The following EGR1 variants were observed in gnomAD, a reference collection of about 807,000 sequenced individuals.
EGR1 encodes the protein early growth response protein 1.
In EGR1, 8 loss-of-function variants were observed where a neutral mutation model predicts 30.2. That is an observed-to-expected ratio of 0.26 (90% confidence interval 0.16 to 0.48). The LOEUF is 0.48. EGR1 is among the 20% of genes least tolerant of loss of function. The pLI, the probability that EGR1 is intolerant of heterozygous loss-of-function variation, is 0.99. For synonymous variants in EGR1, 334 were observed against 312.8 expected (o/e 1.07, Z -0.72); for missense variants, 568 against 732.3 (o/e 0.78, Z 2.59).
Position 138,467,860 on chromosome 5 carries a change from C to A in EGR1, c.1411C>A (p.Pro471Thr). The change falls in exon 2 of 2, where the codon CCC becomes ACC. Residue 471 changes from proline (P) to threonine (T), a missense_variant. By Grantham distance (38) the Pro-to-Thr change is conservative. This residue lies in a region of EGR1 where 118 missense variants were observed against 161.6 expected (regional missense o/e 0.73). Transcript: ENST00000239938. This position sits in a 1 kb window ranked among gnomAD's most constrained non-coding sequence, Gnocchi z 8.3. ...PATTSYPSPVPTSFSSPGSST... is the reference protein window; with the variant it reads ...PATTSYPSPVTTSFSSPGSST... ...CACCACCTCATACCCATCCCCTGTG[C>A]CCACCTCCTTCTCCTCTCCCGGCTC... 6.2e-7 allele frequency: 1 copy of A among 1,613,878 alleles called. No homozygotes were observed. The highest frequency in any genetic ancestry group is 8.5e-7 in the Non-Finnish European group (1 of 1,179,790).
At position 138,467,427 on chromosome 5, in the gene EGR1, C is replaced by G. The variant is rs1464342926; in HGVS notation, c.978C>G (p.Asn326Lys). The G allele has an allele frequency of 6.2e-6, 10 of 1,614,102 alleles. No homozygotes were observed. The Admixed American group carries it at 6.7e-5, about 11-fold the overall frequency. ...CCAGCCGCATGCGCAAGTACCCCAA[C>G]CGGCCCAGCAAGACGCCCCCCCACG... ...IKPSRMRKYP[N>K]RPSKTPPHER... Residue 326 changes from asparagine (N) to lysine (K), a missense_variant, in exon 2 of 2, where the codon AAC (asparagine) becomes AAG (lysine). Around this residue, in one of 4 missense-constraint regions of EGR1, gnomAD observed 415 missense variants for 445.2 expected, o/e 0.93. Transcript: ENST00000239938. This position sits in a 1 kb window ranked among gnomAD's most constrained non-coding sequence, Gnocchi z 8.3.
rs1394276325 is a variant in EGR1, at chr5:138,465,992, C to A, written c.231C>A (p.Ser77Arg). The A allele has an allele frequency of 6.2e-7, 1 of 1,609,350 alleles. No individual in the cohort carries two copies. The highest frequency in any genetic ancestry group is 1.1e-5 in the South Asian group (1 of 90,786). Residue 77 changes from serine (S) to arginine (R), a missense_variant, in exon 1 of 2, where the codon AGC becomes AGA. Physicochemically the swap from Ser to Arg is moderately radical, Grantham distance 110 (BLOSUM62 -1). This residue lies in a region of EGR1 where 415 missense variants were observed against 445.2 expected (regional missense o/e 0.93). Coordinates refer to ENST00000239938, the MANE Select transcript of EGR1 (RefSeq NM_001964.3). ...GCGGTGGAGGCGGCGGGGGCGGCAG[C>A]AACAGCAGCAGCAGCAGCAGCACCT... ...SGGGGGGGGG[S>R]NSSSSSSTFN...
chr5:138,469,193 T>C lies in EGR1; in HGVS notation c.*1112T>C, dbSNP rs996891721. 4 of 152,384 alleles carry C rather than the reference T, an allele frequency of 2.6e-5. No individual in the cohort carries two copies. In the East Asian group the frequency reaches 7.7e-4, roughly 29 times the overall value. 9.4% of individuals were successfully genotyped at this position (152,384 alleles called of 1,614,324 possible). On this transcript the variant is annotated 3_prime_UTR_variant, in exon 2 of 2. Transcript: ENST00000239938. ...GTGGTTCTATTTTACTTTGTACTTG[T>C]GTTTGCTTAAACAAAGTGACTGTTT...
Position 138,466,902 on chromosome 5 carries a change from C to G in EGR1, c.453C>G (p.Pro151=), listed in dbSNP as rs761499887. The part of the protein sequence containing the change: ...PAPNSGNTLW[P]EPLFSLVSGL... ...CCAACAGTGGCAACACCTTGTGGCC[C>G]GAGCCCCTCTTCAGCTTGGTCAGTG... Residue 151 remains proline (P), a synonymous_variant, in exon 2 of 2, where the codon CCC becomes CCG. Transcript: ENST00000239938. 2 of 1,614,018 alleles carry G rather than the reference C, an allele frequency of 1.2e-6. No individual in the cohort carries two copies. The highest frequency in any genetic ancestry group is 2.2e-5 in the East Asian group (1 of 44,856).
In EGR1 at chr5:138,465,965, G is replaced by A. The variant is rs746494525; in HGVS notation, c.204G>A (p.Gly68=). 7 of 1,611,230 alleles carry A rather than the reference G, an allele frequency of 4.3e-6. No individual in the cohort carries two copies. Among genetic ancestry groups the A allele is most frequent in the Admixed American group, 3.3e-5 (2 of 59,842 alleles). The part of the protein sequence containing the change: ...SGSNSSSSSS[G]GGGGGGGGSN... The stretch of plus-strand genomic sequence containing the variant: ...GCAACAGCAGCAGCAGCAGCAGCGG[G>A]GGCGGTGGAGGCGGCGGGGGCGGCA... The change falls in exon 1 of 2, where the codon GGG becomes GGA. Residue 68 remains glycine (G), a synonymous_variant. Coordinates refer to ENST00000239938, the MANE Select transcript of EGR1 (RefSeq NM_001964.3).
Position 138,467,834 on chromosome 5 carries a change from C to T in EGR1, c.1385C>T (p.Ala462Val), listed in dbSNP as rs1764179478. The T allele has an allele frequency of 6.2e-7, 1 of 1,613,714 alleles. No individual in the cohort carries two copies. Among genetic ancestry groups the T allele is most frequent in the Non-Finnish European group, 8.5e-7 (1 of 1,179,634 alleles). The change falls in exon 2 of 2, where the codon GCC becomes GTC. Residue 462 changes from alanine (A) to valine (V), a missense_variant. By Grantham distance (64) the Ala-to-Val change is moderately conservative. This residue lies in a region of EGR1 where 118 missense variants were observed against 161.6 expected (regional missense o/e 0.73). Transcript: ENST00000239938. The surrounding 1 kb of genome is among the most constrained non-coding windows in gnomAD (Gnocchi z 8.3). ...SPVTTSYPSP[A>V]TTSYPSPVPT... ...GTTACTACCTCTTATCCATCCCCGG[C>T]CACCACCTCATACCCATCCCCTGTG...
At position 138,467,479 on chromosome 5, in the gene EGR1, T is replaced by C; in HGVS notation, c.1030T>C (p.Ser344Pro). ...HERPYACPVE[S>P]CDRRFSRSDE... ...ACGCCCTTACGCTTGCCCAGTGGAG[T>C]CCTGTGATCGCCGCTTCTCCCGCTC... The change falls in exon 2 of 2, where the codon TCC (serine) becomes CCC (proline). Residue 344 changes from serine to proline, a missense_variant. By Grantham distance (74) the Ser-to-Pro change is moderately conservative. Around this residue, in one of 4 missense-constraint regions of EGR1, gnomAD observed 18 missense variants for 27.7 expected, o/e 0.65. Coordinates refer to ENST00000239938, the MANE Select transcript of EGR1 (RefSeq NM_001964.3). The surrounding 1 kb of genome is among the most constrained non-coding windows in gnomAD (Gnocchi z 8.3). 6.2e-7 allele frequency: 1 copy of C among 1,612,360 alleles called. No homozygotes were observed. The highest frequency in any genetic ancestry group is 2.2e-5 in the East Asian group (1 of 44,782).
intron 1 of EGR1, 58 bp from the exon 2 acceptor site, chr5:138,466,699 C>T (rs995934822): frequency 3.0e-5 from 46 of 1,552,788 alleles, no homozygotes; most frequent in South Asian, 3.7e-5. Context: ...GGGTCGTCCT[C>T]GTCCTCCAGT....
In EGR1 at chr5:138,467,480, C is replaced by A; in HGVS notation, c.1031C>A (p.Ser344Tyr). The change falls in exon 2 of 2, where the codon TCC becomes TAC. Residue 344 changes from serine to tyrosine, a missense_variant. By Grantham distance (144) the Ser-to-Tyr change is moderately radical (BLOSUM62 -2). Transcript: ENST00000239938. This position sits in a 1 kb window ranked among gnomAD's most constrained non-coding sequence, Gnocchi z 8.3. ...HERPYACPVE[S>Y]CDRRFSRSDE... ...CGCCCTTACGCTTGCCCAGTGGAGT[C>A]CTGTGATCGCCGCTTCTCCCGCTCC... The A allele has an allele frequency of 1.2e-6, 2 of 1,613,550 alleles. No homozygotes were observed. The highest frequency in any genetic ancestry group is 1.7e-6 in the Non-Finnish European group (2 of 1,180,016).
rs201017327 is a variant in EGR1 at position 138,467,365 on chromosome 5, G to A, written c.916G>A (p.Ala306Thr). ...TCAGTCGGGCTCCCAGGACCTGAAG[G>A]CCCTCAATACCAGCTACCAGTCCCA... ...ATQSGSQDLKALNTSYQSQLI... is the reference protein window; with the variant it reads ...ATQSGSQDLKTLNTSYQSQLI... The change falls in exon 2 of 2, where the codon GCC becomes ACC. Residue 306 changes from alanine to threonine, a missense_variant. Physicochemically the swap from Ala to Thr is moderately conservative, Grantham distance 58. Around this residue, in one of 4 missense-constraint regions of EGR1, gnomAD observed 415 missense variants for 445.2 expected, o/e 0.93. Transcript: ENST00000239938. The surrounding 1 kb of genome is among the most constrained non-coding windows in gnomAD (Gnocchi z 8.3). 1.4e-5 allele frequency: 22 copies of A among 1,613,950 alleles called. No individual in the cohort carries two copies. Among genetic ancestry groups the A allele is most frequent in the South Asian group, 9.9e-5 (9 of 91,078 alleles).
Position 138,465,960 on chromosome 5 carries a change from AGCG to A in EGR1, c.201_203del (p.Ser67_Gly68delinsArg). On this transcript the variant is annotated inframe_deletion, in exon 1 of 2. Coordinates refer to ENST00000239938, the MANE Select transcript of EGR1 (RefSeq NM_001964.3). ...CGGCAGCAACAGCAGCAGCAGCAGC[AGCG>A]GGGGCGGTGGAGGCGGCGGGGGCGG... 6.2e-7 allele frequency: 1 copy of A among 1,611,798 alleles called. No individual in the cohort carries two copies. Among genetic ancestry groups the A allele is most frequent in the Non-Finnish European group, 8.5e-7 (1 of 1,179,038 alleles).
rs1764150626 is a variant in EGR1 at position 138,465,939 on chromosome 5, A to G, written c.178A>G (p.Ser60Gly). 1 of 1,612,942 alleles carries G rather than the reference A, an allele frequency of 6.2e-7. No individual in the cohort carries two copies. The highest frequency in any genetic ancestry group is 1.3e-5 in the African/African-American group (1 of 74,914). ...GAAGAPEGSG[S>G]NSSSSSSGGG... ...CGCCGGGGCCCCAGAGGGCAGCGGC[A>G]GCAACAGCAGCAGCAGCAGCAGCGG... The change falls in exon 1 of 2, where the codon AGC (serine) becomes GGC (glycine). Residue 60 changes from serine (S) to glycine (G), a missense_variant. Ser to Gly is a moderately conservative substitution (Grantham distance 56). Transcript: ENST00000239938.
In EGR1 at chr5:138,468,801, T is replaced by TTG. The variant is rs1764193026; in HGVS notation, c.*720_*721insTG. ...TTTGGTTTTTCTTTTTTTTTTTTTT[T>TTG]GAAAGTGTTTTTTCTTCGTCCTTTT... On this transcript the variant is annotated 3_prime_UTR_variant, in exon 2 of 2. Transcript: ENST00000239938. 1 of 151,958 alleles carries TTG rather than the reference T, an allele frequency of 6.6e-6. No homozygotes were observed. The highest frequency in any genetic ancestry group is 1.5e-5 in the Non-Finnish European group (1 of 67,938). The allele number at this position is 151,958 out of a possible 1,614,324, so 9.4% of individuals were successfully genotyped here.
chr5:138,468,067 A>C lies in EGR1; in HGVS notation c.1618A>C (p.Ile540Leu). ...GACAGCAACCTTTTCTCCCAGGACA[A>C]TTGAAATTTGCTAAAGGGAAAGGGG... ...DMTATFSPRT[I>L]EIC is the part of the protein sequence containing the mutation. The change falls in exon 2 of 2, where the codon ATT becomes CTT. Residue 540 changes from isoleucine to leucine, a missense_variant. Coordinates refer to ENST00000239938, the MANE Select transcript of EGR1 (RefSeq NM_001964.3). 4.5e-6 allele frequency: 7 copies of C among 1,565,104 alleles called. No individual in the cohort carries two copies. The highest frequency in any genetic ancestry group is 6.1e-6 in the Non-Finnish European group (7 of 1,156,614).
At position 138,465,653 on chromosome 5, in the gene EGR1, G is replaced by C. The variant is rs1016121257; in HGVS notation, c.-109G>C. ...GCCTGCACGCTTCTCAGTGTTCCCCGCGCCCCGCATGTAACCCGGCCAGGC... is the reference window on the plus strand; with the variant it reads ...GCCTGCACGCTTCTCAGTGTTCCCCCCGCCCCGCATGTAACCCGGCCAGGC... On this transcript the variant is annotated 5_prime_UTR_variant, in exon 1 of 2. Transcript: ENST00000239938. 1 of 1,280,082 alleles carries C rather than the reference G, an allele frequency of 7.8e-7. No homozygotes were observed. The highest frequency in any genetic ancestry group is 1.0e-6 in the Non-Finnish European group (1 of 975,676). 79.3% of individuals were successfully genotyped at this position (1,280,082 alleles called of 1,614,324 possible). A position where few individuals can be genotyped will look rare whatever the true frequency, so the allele number is the denominator to read the frequency against.
chr5:138,465,879 C>T lies in EGR1; in HGVS notation c.118C>T (p.Leu40=), dbSNP rs538748263. The change falls in exon 1 of 2, where the codon CTG becomes TTG. Residue 40 remains leucine, a synonymous_variant. Transcript: ENST00000239938. ...CTACCCTAAGCTGGAGGAGATGATG[C>T]TGCTGAGCAACGGGGCTCCCCAGTT... The part of the protein sequence containing the change: ...DNYPKLEEMM[L]LSNGAPQFLG... 6.2e-7 allele frequency: 1 copy of T among 1,613,990 alleles called. No individual in the cohort carries two copies. The highest frequency in any genetic ancestry group is 8.5e-7 in the Non-Finnish European group (1 of 1,179,860).
In EGR1 at chr5:138,465,729, C is replaced by G. The variant is rs201629189; in HGVS notation, c.-33C>G. 5 of 1,543,472 alleles carry G rather than the reference C, an allele frequency of 3.2e-6. No individual in the cohort carries two copies. The highest frequency in any genetic ancestry group is 2.6e-6 in the Non-Finnish European group (3 of 1,144,098). On this transcript the variant is annotated 5_prime_UTR_variant, in exon 1 of 2. Transcript: ENST00000239938. The stretch of plus-strand genomic sequence containing the variant: ...CCAGCCCCGGGCTGCACCCCCCCGC[C>G]CCGACACCAGCTCTCCAGCCTGCTC...
At position 138,467,833 on chromosome 5, in the gene EGR1, G is replaced by A. The variant is rs1370589212; in HGVS notation, c.1384G>A (p.Ala462Thr). ...SPVTTSYPSP[A>T]TTSYPSPVPT... is the part of the protein sequence containing the mutation. Reference sequence around the variant, plus strand: ...GGTTACTACCTCTTATCCATCCCCGGCCACCACCTCATACCCATCCCCTGT... The same window carrying A: ...GGTTACTACCTCTTATCCATCCCCGACCACCACCTCATACCCATCCCCTGT... The change falls in exon 2 of 2, where the codon GCC (alanine) becomes ACC (threonine). Residue 462 changes from alanine to threonine, a missense_variant. Physicochemically the swap from Ala to Thr is moderately conservative, Grantham distance 58 (BLOSUM62 0). Around this residue, in one of 4 missense-constraint regions of EGR1, gnomAD observed 118 missense variants for 161.6 expected, o/e 0.73. Coordinates refer to ENST00000239938, the MANE Select transcript of EGR1 (RefSeq NM_001964.3). The surrounding 1 kb of genome is among the most constrained non-coding windows in gnomAD (Gnocchi z 8.3). 1.9e-6 allele frequency: 3 copies of A among 1,613,390 alleles called. No homozygotes were observed. In the African/African-American group the frequency reaches 4.0e-5, roughly 22 times the overall value.
At chr5:138,466,287 G>A (rs907879716) in intron 1 of EGR1, among the ~76,000 whole-genome samples, 13 of 152,250 alleles carry the variant, frequency 8.5e-5, no homozygotes, top group African/African-American at 2.4e-4. Flanking sequence ...CTTTTGTTTT[G>A]GATGGAGAGC....
Sources: allele counts gnomAD v4.1 joint callset (sites outside exome capture counted in the v4.1 genomes callset), GRCh38; gene constraint gnomAD v4.1.1; regional missense constraint gnomAD v4.1.1; non-coding constraint Gnocchi (gnomAD v3.1); transcripts MANE v1.5; gene names NCBI Gene and HGNC (gene_info 2026-07-23, HGNC 2026-07-21).